The following SULF2 variants were observed in gnomAD, a reference collection of about 807,000 sequenced individuals.
The protein encoded by SULF2 is sulfatase 2.
In SULF2, 52 loss-of-function variants were observed where a neutral mutation model predicts 107.7. The observed-to-expected ratio is 0.48, with a 90% confidence interval of 0.39 to 0.61. SULF2 has a LOEUF of 0.61. Ranked by LOEUF, SULF2 falls within the 20% of genes least tolerant of loss-of-function variation. The pLI is 0.00. For missense variants in SULF2, 993 were observed against 1,177.3 expected (o/e 0.84, Z 2.29); for synonymous variants, 460 against 464.3 (o/e 0.99, Z 0.12).
At chr20:47,731,028 C>T (rs970473995) in intron 3 of SULF2, among the ~76,000 whole-genome samples, 1 of 152,008 alleles carries the variant, frequency 6.6e-6, no homozygotes, top group Admixed American at 6.6e-5. Flanking sequence ...CTTGAGCATT[C>T]TGGAAAAGGA....
intron 6 of SULF2, among the ~76,000 whole-genome samples, chr20:47,683,591 G>A (rs1405461230): frequency 2.6e-5 from 4 of 152,244 alleles, no homozygotes; most frequent in African/African-American, 9.6e-5. Flanking sequence ...CTGGAAGGGC[G>A]CCGTGTGGCA....
intron 3 of SULF2, among the ~76,000 whole-genome samples, chr20:47,717,570 G>A (rs183412425): frequency 6.6e-6 from 1 of 152,130 alleles, no homozygotes; most frequent in Admixed American, 6.6e-5. Flanking sequence ...CCTCCTCTCC[G>A]ATGTGGCTCA....
At chr20:47,721,728 C>T (rs1568858308) in intron 3 of SULF2, among the ~76,000 whole-genome samples, 1 of 152,192 alleles carries the variant, frequency 6.6e-6, no homozygotes, top group Admixed American at 6.5e-5. Flanking sequence ...ATCCATTCTC[C>T]TGTCTTTTCA....
intron 1 of SULF2, among the ~76,000 whole-genome samples, chr20:47,781,051 T>C (rs2090823860): frequency 1.3e-5 from 2 of 152,190 alleles, no homozygotes; most frequent in Admixed American, 1.3e-4. Flanking sequence ...TTTAAACAAA[T>C]ACAGCCAGAT....
At chr20:47,671,679 A>G (rs1046716279) in intron 11 of SULF2, among the ~76,000 whole-genome samples, 6 of 151,960 alleles carry the variant, frequency 3.9e-5, no homozygotes, top group Non-Finnish European at 5.9e-5. Context: ...TGGTCCTAGC[A>G]TTTTCACCAG....
At position 47,736,720 on chromosome 20, in the gene SULF2, C is replaced by T. The variant is rs376409513; in HGVS notation, c.398G>A (p.Ser133Asn). ...CTGCTCACCTGTCCGGTAGCCAGTGCTATTGAGGTACACGGCAAAGGTGCG... is the reference window on the plus strand; with the variant it reads ...CTGCTCACCTGTCCGGTAGCCAGTGTTATTGAGGTACACGGCAAAGGTGCG... The part of the protein sequence containing the change: ...ESRTFAVYLN[S>N]TGYRTAFFGK... The change falls in exon 3 of 21, where the codon AGC becomes AAC. Residue 133 changes from serine to asparagine, a missense_variant. By Grantham distance (46) the Ser-to-Asn change is conservative. Transcript: ENST00000688720. The T allele has an allele frequency of 6.4e-5, 103 of 1,614,104 alleles. No homozygotes were observed. Among genetic ancestry groups the T allele is most frequent in the Non-Finnish European group, 8.0e-5 (94 of 1,180,048 alleles).
intron 4 of SULF2, among the ~76,000 whole-genome samples, chr20:47,690,628 T>C (rs373172824): frequency 1.3e-5 from 2 of 152,126 alleles, no homozygotes; most frequent in East Asian, 3.8e-4. Context: ...ATCCCAGCAC[T>C]TTGGGAGGCT....
At chr20:47,774,426 T>C (rs1188994520) in intron 1 of SULF2, among the ~76,000 whole-genome samples, 1 of 152,204 alleles carries the variant, frequency 6.6e-6, no homozygotes, top group Non-Finnish European at 1.5e-5. Flanking sequence ...TTACCGCGCA[T>C]GCTCTCCTTT....
intron 3 of SULF2, 109 bp from the exon 4 acceptor site, chr20:47,702,779 C>T: frequency 2.1e-6 from 2 of 974,344 alleles, no homozygotes; most frequent in South Asian, 1.6e-5. Flanking sequence ...GCCATGGAGC[C>T]CTCTGGCACA....
intron 3 of SULF2, chr20:47,706,958 A>AT (rs2088760901): frequency 6.6e-6 from 1 of 152,044 alleles, no homozygotes; most frequent in African/African-American, 2.4e-5. Flanking sequence ...CGGTATTCCC[A>AT]TTTTTTCTAA....
In SULF2 at chr20:47,684,576, G is replaced by A. The variant is rs967042428; in HGVS notation, c.743C>T (p.Pro248Leu). 1.9e-6 allele frequency: 3 copies of A among 1,613,594 alleles called. No individual in the cohort carries two copies. In the African/African-American group the frequency reaches 4.0e-5, roughly 22 times the overall value. ...LFPNASQHIT[P>L]SYNYAPNPDK... ...CGGGTTGGGCGCGTAGTTGTAGCTC[G>A]GCGTGCTGGTGGGCAAGGACATACA... Residue 248 changes from proline to leucine, a missense_variant, in exon 6 of 21, where the codon CCG (proline) becomes CTG (leucine). Physicochemically the swap from Pro to Leu is moderately conservative, Grantham distance 98 (BLOSUM62 -3). Coordinates refer to ENST00000688720, the MANE Select transcript of SULF2 (RefSeq NM_001387048.1).
chr20:47,715,378 C>T (rs77630043), intron 3 of SULF2, among the ~76,000 whole-genome samples: 2,813 of 152,262 alleles, frequency 0.018, 95 homozygotes, highest in African/African-American at 0.064. Flanking sequence ...GTTTTTATCA[C>T]GTGCTTCTCC....
At chr20:47,724,843 T>A (rs757376654) in intron 3 of SULF2, among the ~76,000 whole-genome samples, 27 of 152,208 alleles carry the variant, frequency 1.8e-4, no homozygotes, top group Non-Finnish European at 3.1e-4. Context: ...CTCAGCGCCA[T>A]CAGACTGACC....
chr20:47,665,618 T>TGTA (rs2087238470), intron 13 of SULF2, among the ~76,000 whole-genome samples: 1 of 152,210 alleles, frequency 6.6e-6, no homozygotes, highest in African/African-American at 2.4e-5. Context: ...GTAGACTTCT[T>TGTA]GTAAGTCAAA....
chr20:47,752,299 AGAT>A (rs1424372999), intron 2 of SULF2, among the ~76,000 whole-genome samples: 7 of 152,332 alleles, frequency 4.6e-5, no homozygotes, highest in Admixed American at 3.3e-4. Context: ...TCCACTTTAT[AGAT>A]GAGTAAACTG....
intron 1 of SULF2, among the ~76,000 whole-genome samples, chr20:47,778,097 T>G (rs1296766847): frequency 6.6e-6 from 1 of 152,138 alleles, no homozygotes; most frequent in African/African-American, 2.4e-5. Context: ...ACTGAGACTG[T>G]GCCACTGCAC....
At chr20:47,754,844 C>CT (rs2090244095) in intron 2 of SULF2, among the ~76,000 whole-genome samples, 3 of 152,150 alleles carry the variant, frequency 2.0e-5, no homozygotes, top group African/African-American at 4.8e-5. Flanking sequence ...TTGTTTTTCT[C>CT]TTTTTTTCTA....
At position 47,777,533 on chromosome 20, in the gene SULF2, C is replaced by T. The variant is rs367919846; in HGVS notation, c.-101+7810G>A. On this transcript the variant is annotated intron_variant, in intron 1 of 20. Transcript: ENST00000688720. ...ACACTGTTGTACTGAAAAACCAGCG[C>T]CTGGACTCCCCTGCTTTGGACTTGG... 3.3e-5 allele frequency among the ~76,000 whole-genome samples: 5 copies of T among 152,248 alleles called. No homozygotes were observed. The East Asian group carries it at 7.7e-4, about 23-fold the overall frequency.
chr20:47,672,737 C>T (rs935789833), intron 10 of SULF2, among the ~76,000 whole-genome samples: 1 of 152,136 alleles, frequency 6.6e-6, no homozygotes, highest in Non-Finnish European at 1.5e-5. Flanking sequence ...TTCAATGGCT[C>T]CCACTGTCTT....
Sources: allele counts gnomAD v4.1 joint callset (sites outside exome capture counted in the v4.1 genomes callset), GRCh38; gene constraint gnomAD v4.1.1; transcripts MANE v1.5; gene names NCBI Gene and HGNC (gene_info 2026-07-23, HGNC 2026-07-21).